CALHM4: variants seen among roughly 807,000 people sequenced by gnomAD.
The protein encoded by CALHM4 is calcium homeostasis modulator family member 4, also known as calcium homeostasis modulator protein 4.
A neutral mutation model predicts 13.3 loss-of-function variants in CALHM4; 16 were observed. The observed-to-expected ratio is 1.20, with a 90% CI of 0.81 to 1.82. The LOEUF is 1.82. CALHM4 is among the 40% of genes most tolerant of loss of function. The pLI is 0.00. For missense variants in CALHM4, 344 were observed against 374.9 expected, an observed-to-expected ratio of 0.92 and a Z score of 0.68; for synonymous variants, 127 against 137.1, an observed-to-expected ratio of 0.93 and a Z score of 0.52.
intron 1 of CALHM4, among the ~76,000 whole-genome samples, chr6:116,555,236 T>C (rs181651173): frequency 2.6e-5 from 4 of 152,320 alleles, no homozygotes; most frequent in African/African-American, 7.2e-5. Flanking sequence ...TTAGATATGC[T>C]CTGTCTTAAC....
At chr6:116,552,123 C>A (rs1044704078), upstream of CALHM4, among the ~76,000 whole-genome samples, 10 of 151,982 alleles carry the variant, frequency 6.6e-5, no homozygotes, top group African/African-American at 2.2e-4. Context: ...TGGTAAATTC[C>A]CTTAGCCTTG....
intron 2 of CALHM4, among the ~76,000 whole-genome samples, chr6:116,547,795 C>T (rs1773871520): frequency 6.6e-6 from 1 of 152,180 alleles, no homozygotes; most frequent in Non-Finnish European, 1.5e-5. Flanking sequence ...TCCTGTTTTA[C>T]TAAGAGTTCT....
chr6:116,557,541 G>A (rs1216628623), intron 1 of CALHM4, among the ~76,000 whole-genome samples: 1 of 152,198 alleles, frequency 6.6e-6, no homozygotes, highest in Non-Finnish European at 1.5e-5. Flanking sequence ...GTGGGTTATA[G>A]CATCTGTCAC....
rs772053384 is a variant in CALHM4, at chr6:116,558,073, T to C, written c.807T>C (p.Cys269=). Residue 269 remains cysteine, a synonymous_variant, in exon 2 of 2, where the codon TGT becomes TGC. Coordinates refer to ENST00000368596, the MANE Select transcript of CALHM4 (RefSeq NM_001366078.2). ...TCAAACACATCCGCATTCCTTCTTGTCAGGACTGGAAAGATATTTCAGTAC... is the reference window on the plus strand; with the variant it reads ...TCAAACACATCCGCATTCCTTCTTGCCAGGACTGGAAAGATATTTCAGTAC... ...EDVKHIRIPS[C]QDWKDISVPT... is the part of the protein sequence containing the mutation. 1 of 1,614,172 alleles carries C rather than the reference T, an allele frequency of 6.2e-7. No homozygotes were observed.
rs1774190611 is a variant in CALHM4 at position 116,553,900 on chromosome 6, C to G, written c.107C>G (p.Ser36Cys). 2 of 1,550,656 alleles carry G rather than the reference C, an allele frequency of 1.3e-6. No homozygotes were observed. Among genetic ancestry groups the G allele is most frequent in the East Asian group, 2.4e-5 (1 of 40,928 alleles). The change falls in exon 1 of 2, where the codon TCT (serine) becomes TGT (cysteine). Residue 36 changes from serine (S) to cysteine (C), a missense_variant. Ser to Cys is a moderately radical substitution (Grantham distance 112, BLOSUM62 -1). Coordinates refer to ENST00000368596, the MANE Select transcript of CALHM4 (RefSeq NM_001366078.2). ...ATTGGTGGGCAACAACTCTTCTCCT[C>G]TTCTACATTCAGCTGTCCTTGTCAG... Reference protein sequence around the residue: ...LTIGGQQLFSSSTFSCPCQVG... With the variant: ...LTIGGQQLFSCSTFSCPCQVG...
chr6:116,541,835 T>C (rs985971237), intron 1 of CALHM4, among the ~76,000 whole-genome samples: 1 of 152,174 alleles, frequency 6.6e-6, no homozygotes, highest in South Asian at 2.1e-4. Flanking sequence ...CACATATTGC[T>C]TTGGTCAAAG....
chr6:116,539,624 A>G (rs1356641630), intron 1 of CALHM4, among the ~76,000 whole-genome samples: 1 of 152,186 alleles, frequency 6.6e-6, no homozygotes, highest in Non-Finnish European at 1.5e-5. Flanking sequence ...GCATGATGGT[A>G]TAGAATGACA....
chr6:116,534,406 C>T (rs1293179729), intron 1 of CALHM4, among the ~76,000 whole-genome samples: 2 of 152,062 alleles, frequency 1.3e-5, no homozygotes, highest in Admixed American at 6.6e-5. Flanking sequence ...TATTTTCATT[C>T]GTCCTATAGA....
chr6:116,547,863 T>A (rs1167283146), intron 2 of CALHM4, among the ~76,000 whole-genome samples: 1 of 152,240 alleles, frequency 6.6e-6, no homozygotes, highest in Non-Finnish European at 1.5e-5. Context: ...CATTCTTCAG[T>A]CTGGTAAAAC....
rs1398586338 is a variant in CALHM4, at chr6:116,554,356, GT to G, written c.558+10del. ...CTGCACAGATACCAGTCACAGGTAA[GT>G]TTTTAGAATTTTTTTCCCTCTGCTA... On this transcript the variant is annotated splice_donor_region_variant and intron_variant, in intron 1 of 1. Coordinates refer to ENST00000368596, the MANE Select transcript of CALHM4 (RefSeq NM_001366078.2). 15 of 1,517,906 alleles carry G rather than the reference GT, an allele frequency of 9.9e-6. No homozygotes were observed. Among genetic ancestry groups the G allele is most frequent in the East Asian group, 2.5e-5 (1 of 40,622 alleles). 94.0% of individuals were successfully genotyped at this position (1,517,906 alleles called of 1,614,324 possible). A position where few individuals can be genotyped will look rare whatever the true frequency, so the allele number is the denominator to read the frequency against.
intron 1 of CALHM4, among the ~76,000 whole-genome samples, chr6:116,530,878 A>C (rs1472946449): frequency 7.1e-6 from 1 of 140,774 alleles, no homozygotes; most frequent in Admixed American, 7.2e-5. Flanking sequence ...ATGTGAGCAG[A>C]AGGTTCATAG....
chr6:116,547,895 A>G (rs1241744752), intron 2 of CALHM4, among the ~76,000 whole-genome samples: 1 of 152,230 alleles, frequency 6.6e-6, no homozygotes, highest in African/African-American at 2.4e-5. Context: ...CAACCAACCC[A>G]AGTAAATGGT....
upstream of CALHM4, among the ~76,000 whole-genome samples, chr6:116,550,813 T>A (rs1344586256): frequency 6.6e-6 from 1 of 152,200 alleles, no homozygotes; most frequent in Non-Finnish European, 1.5e-5. Flanking sequence ...CTGTCCTAGT[T>A]GTATTTTCTC....
In CALHM4 at chr6:116,555,867, C is replaced by T. The variant is rs753472421; in HGVS notation, c.558+1516C>T. ...ATTAACTTCACTCCATGTCAATCTG[C>T]CTTCTAGATATATGCCAAAAATATC... On this transcript the variant is annotated intron_variant, in intron 1 of 1. Transcript: ENST00000368596. Among the ~76,000 whole-genome samples the T allele has an allele frequency of 8.2e-4, 125 of 152,320 alleles. 1 individual carries two copies. Among genetic ancestry groups the T allele is most frequent in the Middle Eastern group, 3.4e-3 (1 of 294 alleles).
chr6:116,538,954 C>T (rs1773266068), intron 1 of CALHM4, among the ~76,000 whole-genome samples: 1 of 151,998 alleles, frequency 6.6e-6, no homozygotes, highest in African/African-American at 2.4e-5. Context: ...TGGTCTCGAT[C>T]TCTCCATCTC....
At chr6:116,552,931 A>G (rs903845237), upstream of CALHM4, among the ~76,000 whole-genome samples, 5 of 152,162 alleles carry the variant, frequency 3.3e-5, no homozygotes, top group South Asian at 2.1e-4. Context: ...AAAATTAGCC[A>G]GGCGTGGTGG....
chr6:116,542,441 A>G (rs2115245240), intron 1 of CALHM4, among the ~76,000 whole-genome samples: 1 of 152,296 alleles, frequency 6.6e-6, no homozygotes, highest in South Asian at 2.1e-4. Context: ...TGAAAATACA[A>G]TGAACCCTTT....
intron 2 of CALHM4, among the ~76,000 whole-genome samples, chr6:116,544,556 T>C (rs901713177): frequency 6.6e-6 from 1 of 152,178 alleles, no homozygotes; most frequent in Non-Finnish European, 1.5e-5. Context: ...ATCATATGAA[T>C]ATCTGAAAGA....
intron 1 of CALHM4, among the ~76,000 whole-genome samples, chr6:116,532,124 T>C (rs1447741458): frequency 1.3e-5 from 2 of 152,182 alleles, no homozygotes; most frequent in African/African-American, 4.8e-5. Flanking sequence ...TGCTTCTGCA[T>C]GTAGTGTTAG....
Sources: gnomAD v4.1 joint callset for allele counts (sites outside exome capture counted in the v4.1 genomes callset) on GRCh38, gnomAD v4.1.1 for gene constraint, MANE v1.5 for transcripts, NCBI Gene and HGNC (gene_info 2026-07-23, HGNC 2026-07-21) for gene names.